Variants in H2AC13 observed in about 807,000 individuals in gnomAD.
The protein encoded by H2AC13 is histone H2A type 1.
A neutral mutation model predicts 5.9 loss-of-function variants in H2AC13; 3 were observed. The observed-to-expected ratio is 0.50, with a 90% CI of 0.23 to 1.30. The LOEUF is 1.30. Ranked by LOEUF, H2AC13 falls within the 50% of genes most tolerant of loss-of-function variation. H2AC13 has a pLI of 0.18. For synonymous variants in H2AC13, 96 were observed against 82.4 expected (o/e 1.17, Z -0.90); for missense variants, 123 against 179.1 (o/e 0.69, Z 1.79).
Position 27,808,655 on chromosome 6 carries a change from T to A in H2AC13, c.*53T>A, listed in dbSNP as rs1760499448. 11 of 1,560,526 alleles carry A rather than the reference T, an allele frequency of 7.0e-6. No homozygotes were observed. The South Asian group carries it at 9.7e-5, about 14-fold the overall frequency. ...ATCCCAAAGGAACCAAAGGCTCTTTTCAGAGCCACCTACAATTTTGTGGAA... is the reference window on the plus strand; with the variant it reads ...ATCCCAAAGGAACCAAAGGCTCTTTACAGAGCCACCTACAATTTTGTGGAA... On this transcript the variant is annotated 3_prime_UTR_variant, in exon 1 of 1. Transcript: ENST00000358739.
Position 27,808,659 on chromosome 6 carries a change from A to C in H2AC13, c.*57A>C. ...CAAAGGAACCAAAGGCTCTTTTCAG[A>C]GCCACCTACAATTTTGTGGAAGAAC... On this transcript the variant is annotated 3_prime_UTR_variant, in exon 1 of 1. Transcript: ENST00000358739. 6.4e-7 allele frequency: 1 copy of C among 1,557,046 alleles called. No individual in the cohort carries two copies. Among genetic ancestry groups the C allele is most frequent in the Non-Finnish European group, 8.7e-7 (1 of 1,154,068 alleles).
At position 27,808,587 on chromosome 6, in the gene H2AC13, G is replaced by C; in HGVS notation, c.378G>C (p.Lys126Asn). 2 of 1,613,724 alleles carry C rather than the reference G, an allele frequency of 1.2e-6. No individual in the cohort carries two copies. Among genetic ancestry groups the C allele is most frequent in the Non-Finnish European group, 1.7e-6 (2 of 1,179,654 alleles). The part of the protein sequence containing the change: ...LLPKKTESHH[K>N]AKGK ...CCAAGAAGACCGAGAGCCACCACAA[G>C]GCGAAGGGCAAGTAGAAGCCTGGAT... The change falls in exon 1 of 1, where the codon AAG becomes AAC. Residue 126 changes from lysine (K) to asparagine (N), a missense_variant. This residue lies in a region of H2AC13 where 18 missense variants were observed against 16.1 expected (regional missense o/e 1.12). Transcript: ENST00000358739.
In H2AC13 at chr6:27,808,539, C is replaced by T. The variant is rs138007780; in HGVS notation, c.330C>T (p.Pro110=). 5.6e-6 allele frequency: 9 copies of T among 1,614,088 alleles called. No homozygotes were observed. In the African/African-American group the frequency reaches 9.3e-5, roughly 17 times the overall value. The change falls in exon 1 of 1, where the codon CCC becomes CCT. Residue 110 remains proline (P), a synonymous_variant. Coordinates refer to ENST00000358739, the MANE Select transcript of H2AC13 (RefSeq NM_003509.3). ...CCATCGCACAGGGTGGCGTCCTGCC[C>T]AACATCCAGGCCGTGCTACTGCCCA... ...KVTIAQGGVL[P]NIQAVLLPKK... is the part of the protein sequence containing the mutation.
rs745985200 is a variant in H2AC13 at position 27,808,552 on chromosome 6, G to A, written c.343G>A (p.Val115Met). ...TGGCGTCCTGCCCAACATCCAGGCC[G>A]TGCTACTGCCCAAGAAGACCGAGAG... ...QGGVLPNIQA[V>M]LLPKKTESHH... The change falls in exon 1 of 1, where the codon GTG (valine) becomes ATG (methionine). Residue 115 changes from valine (V) to methionine (M), a missense_variant. Transcript: ENST00000358739. The A allele has an allele frequency of 2.5e-6, 4 of 1,614,112 alleles. No individual in the cohort carries two copies. In the African/African-American group the frequency reaches 5.3e-5, roughly 22 times the overall value.
rs754322201 is a variant in H2AC13, at chr6:27,808,240, G to A, written c.31G>A (p.Ala11Thr). Residue 11 changes from alanine (A) to threonine (T), a missense_variant, in exon 1 of 1, where the codon GCT becomes ACT. This residue lies in a region of H2AC13 where 33 missense variants were observed against 28.6 expected (regional missense o/e 1.15). Coordinates refer to ENST00000358739, the MANE Select transcript of H2AC13 (RefSeq NM_003509.3). The part of the protein sequence containing the change: MSGRGKQGGK[A>T]RAKAKTRSSR... ...TGGGCGTGGCAAGCAGGGAGGCAAA[G>A]CTCGCGCCAAGGCCAAGACCCGCTC... is the stretch of plus-strand genomic sequence containing the variant. The A allele has an allele frequency of 6.3e-7, 1 of 1,581,026 alleles. No individual in the cohort carries two copies. The highest frequency in any genetic ancestry group is 1.4e-5 in the African/African-American group (1 of 73,986).
Position 27,808,562 on chromosome 6 carries a change from C to T in H2AC13, c.353C>T (p.Pro118Leu). Residue 118 changes from proline to leucine, a missense_variant, in exon 1 of 1, where the codon CCC becomes CTC. Around this residue, in one of 3 missense-constraint regions of H2AC13, gnomAD observed 18 missense variants for 16.1 expected, o/e 1.12. Transcript: ENST00000358739. ...CCCAACATCCAGGCCGTGCTACTGC[C>T]CAAGAAGACCGAGAGCCACCACAAG... ...VLPNIQAVLL[P>L]KKTESHHKAK... 1 of 1,614,206 alleles carries T rather than the reference C, an allele frequency of 6.2e-7. No homozygotes were observed. Among genetic ancestry groups the T allele is most frequent in the Non-Finnish European group, 8.5e-7 (1 of 1,180,014 alleles).
chr6:27,808,278 G>C lies in H2AC13; in HGVS notation c.69G>C (p.Gly23=). ...AKAKTRSSRA[G]LQFPVGRVHR... is the part of the protein sequence containing the mutation. ...CCAAGACCCGCTCTTCTCGGGCCGG[G>C]CTTCAGTTTCCCGTAGGCCGAGTGC... The change falls in exon 1 of 1, where the codon GGG becomes GGC. Residue 23 remains glycine, a synonymous_variant. Transcript: ENST00000358739. The C allele has an allele frequency of 6.4e-7, 1 of 1,557,598 alleles. No homozygotes were observed. The highest frequency in any genetic ancestry group is 8.6e-7 in the Non-Finnish European group (1 of 1,156,202).
rs202083966 is a variant in H2AC13 at position 27,808,186 on chromosome 6, C to G, written c.-24C>G. ...TAGTTTCACTTCAGTCTTTCTTGACCGTATAGATAATAGGCCTTTTGCCAT... is the reference window on the plus strand; with the variant it reads ...TAGTTTCACTTCAGTCTTTCTTGACGGTATAGATAATAGGCCTTTTGCCAT... On this transcript the variant is annotated 5_prime_UTR_variant, in exon 1 of 1. Coordinates refer to ENST00000358739, the MANE Select transcript of H2AC13 (RefSeq NM_003509.3). 1.6e-5 allele frequency: 24 copies of G among 1,543,402 alleles called. No individual in the cohort carries two copies. The East Asian group carries it at 3.4e-4, about 22-fold the overall frequency.
At position 27,808,570 on chromosome 6, in the gene H2AC13, A is replaced by T; in HGVS notation, c.361A>T (p.Thr121Ser). 1.2e-6 allele frequency: 2 copies of T among 1,614,126 alleles called. No homozygotes were observed. The highest frequency in any genetic ancestry group is 1.7e-6 in the Non-Finnish European group (2 of 1,179,936). The change falls in exon 1 of 1, where the codon ACC becomes TCC. Residue 121 changes from threonine (T) to serine (S), a missense_variant. Thr to Ser is a moderately conservative substitution (Grantham distance 58). This residue lies in a region of H2AC13 where 18 missense variants were observed against 16.1 expected (regional missense o/e 1.12). Coordinates refer to ENST00000358739, the MANE Select transcript of H2AC13 (RefSeq NM_003509.3). ...NIQAVLLPKK[T>S]ESHHKAKGK is the part of the protein sequence containing the mutation. ...CCAGGCCGTGCTACTGCCCAAGAAG[A>T]CCGAGAGCCACCACAAGGCGAAGGG...
Position 27,808,415 on chromosome 6 carries a change from A to T in H2AC13, c.206A>T (p.Asn69Ile), listed in dbSNP as rs1197184308. The T allele has an allele frequency of 1.2e-6, 2 of 1,610,106 alleles. No individual in the cohort carries two copies. The highest frequency in any genetic ancestry group is 1.7e-6 in the Non-Finnish European group (2 of 1,177,188). The change falls in exon 1 of 1, where the codon AAC becomes ATC. Residue 69 changes from asparagine to isoleucine, a missense_variant. Around this residue, in one of 3 missense-constraint regions of H2AC13, gnomAD observed 72 missense variants for 134.3 expected, o/e 0.54. Coordinates refer to ENST00000358739, the MANE Select transcript of H2AC13 (RefSeq NM_003509.3). Reference protein sequence around the residue: ...LTAEILELAGNAARDNKKTRI... With the variant: ...LTAEILELAGIAARDNKKTRI... ...GCCGAGATCCTGGAGCTGGCTGGCA[A>T]CGCGGCCCGCGACAACAAGAAGACT...
rs1581456632 is a variant in H2AC13, at chr6:27,808,329, T to C, written c.120T>C (p.Tyr40=). Residue 40 remains tyrosine, a synonymous_variant, in exon 1 of 1, where the codon TAT becomes TAC. Coordinates refer to ENST00000358739, the MANE Select transcript of H2AC13 (RefSeq NM_003509.3). ...ATCGCCTGCTCCGCAAAGGCAACTA[T>C]GCGGAGCGGGTCGGTGCTGGAGCGC... ...RVHRLLRKGN[Y]AERVGAGAPV... 1 of 1,585,168 alleles carries C rather than the reference T, an allele frequency of 6.3e-7. No individual in the cohort carries two copies. The highest frequency in any genetic ancestry group is 1.8e-5 in the Admixed American group (1 of 56,930).
In H2AC13 at chr6:27,808,206, T is replaced by A; in HGVS notation, c.-4T>A. On this transcript the variant is annotated 5_prime_UTR_variant, in exon 1 of 1. Coordinates refer to ENST00000358739, the MANE Select transcript of H2AC13 (RefSeq NM_003509.3). Reference sequence around the variant, plus strand: ...TTGACCGTATAGATAATAGGCCTTTTGCCATGTCTGGGCGTGGCAAGCAGG... The same window carrying A: ...TTGACCGTATAGATAATAGGCCTTTAGCCATGTCTGGGCGTGGCAAGCAGG... 4.5e-6 allele frequency: 7 copies of A among 1,569,516 alleles called. No individual in the cohort carries two copies. Among genetic ancestry groups the A allele is most frequent in the Non-Finnish European group, 6.0e-6 (7 of 1,160,870 alleles).
Position 27,808,521 on chromosome 6 carries a change from A to T in H2AC13, c.312A>T (p.Ala104=). 3.1e-6 allele frequency: 5 copies of T among 1,614,196 alleles called. No homozygotes were observed. The highest frequency in any genetic ancestry group is 4.2e-6 in the Non-Finnish European group (5 of 1,180,012). Residue 104 remains alanine, a synonymous_variant, in exon 1 of 1, where the codon GCA becomes GCT. Transcript: ENST00000358739. The stretch of plus-strand genomic sequence containing the variant: ...AGCTTCTGGGCAAAGTCACCATCGC[A>T]CAGGGTGGCGTCCTGCCCAACATCC... ...LNKLLGKVTI[A]QGGVLPNIQA... is the part of the protein sequence containing the mutation.
rs976267933 is a variant in H2AC13 at position 27,808,648 on chromosome 6, G to T, written c.*46G>T. Reference sequence around the variant, plus strand: ...CAACTCAATCCCAAAGGAACCAAAGGCTCTTTTCAGAGCCACCTACAATTT... The same window carrying T: ...CAACTCAATCCCAAAGGAACCAAAGTCTCTTTTCAGAGCCACCTACAATTT... On this transcript the variant is annotated 3_prime_UTR_variant, in exon 1 of 1. Coordinates refer to ENST00000358739, the MANE Select transcript of H2AC13 (RefSeq NM_003509.3). The T allele has an allele frequency of 6.4e-7, 1 of 1,569,802 alleles. No individual in the cohort carries two copies. The highest frequency in any genetic ancestry group is 1.2e-5 in the South Asian group (1 of 84,440).
Position 27,808,268 on chromosome 6 carries a change from C to T in H2AC13, c.59C>T (p.Ser20Phe), listed in dbSNP as rs143049396. Residue 20 changes from serine to phenylalanine, a missense_variant, in exon 1 of 1, where the codon TCT becomes TTT. Around this residue, in one of 3 missense-constraint regions of H2AC13, gnomAD observed 33 missense variants for 28.6 expected, o/e 1.15. Coordinates refer to ENST00000358739, the MANE Select transcript of H2AC13 (RefSeq NM_003509.3). ...KARAKAKTRS[S>F]RAGLQFPVGR... ...CGCGCCAAGGCCAAGACCCGCTCTT[C>T]TCGGGCCGGGCTTCAGTTTCCCGTA... 1,126 of 1,565,630 alleles carry T rather than the reference C, an allele frequency of 7.2e-4. No homozygotes were observed. Among genetic ancestry groups the T allele is most frequent in the Non-Finnish European group, 8.6e-4 (1,003 of 1,159,644 alleles).
Position 27,808,226 on chromosome 6 carries a change from A to G in H2AC13, c.17A>G (p.Lys6Arg). The change falls in exon 1 of 1, where the codon AAG becomes AGG. Residue 6 changes from lysine to arginine, a missense_variant. Around this residue, in one of 3 missense-constraint regions of H2AC13, gnomAD observed 33 missense variants for 28.6 expected, o/e 1.15. Coordinates refer to ENST00000358739, the MANE Select transcript of H2AC13 (RefSeq NM_003509.3). ...CCTTTTGCCATGTCTGGGCGTGGCA[A>G]GCAGGGAGGCAAAGCTCGCGCCAAG... is the stretch of plus-strand genomic sequence containing the variant. MSGRGKQGGKARAKAK... is the reference protein window; with the variant it reads MSGRGRQGGKARAKAK... 4.4e-6 allele frequency: 7 copies of G among 1,582,912 alleles called. 1 individual carries two copies. Among genetic ancestry groups the G allele is most frequent in the Non-Finnish European group, 2.6e-6 (3 of 1,165,594 alleles).
In H2AC13 at chr6:27,808,646, A is replaced by C; in HGVS notation, c.*44A>C. Reference sequence around the variant, plus strand: ...AGCAACTCAATCCCAAAGGAACCAAAGGCTCTTTTCAGAGCCACCTACAAT... The same window carrying C: ...AGCAACTCAATCCCAAAGGAACCAACGGCTCTTTTCAGAGCCACCTACAAT... On this transcript the variant is annotated 3_prime_UTR_variant, in exon 1 of 1. Coordinates refer to ENST00000358739, the MANE Select transcript of H2AC13 (RefSeq NM_003509.3). 1.9e-6 allele frequency: 3 copies of C among 1,576,878 alleles called. No homozygotes were observed. Among genetic ancestry groups the C allele is most frequent in the Non-Finnish European group, 2.6e-6 (3 of 1,162,396 alleles).
At position 27,808,321 on chromosome 6, in the gene H2AC13, G is replaced by C; in HGVS notation, c.112G>C (p.Gly38Arg). The change falls in exon 1 of 1, where the codon GGC (glycine) becomes CGC (arginine). Residue 38 changes from glycine (G) to arginine (R), a missense_variant. Transcript: ENST00000358739. Reference sequence around the variant, plus strand: ...CCGAGTGCATCGCCTGCTCCGCAAAGGCAACTATGCGGAGCGGGTCGGTGC... The same window carrying C: ...CCGAGTGCATCGCCTGCTCCGCAAACGCAACTATGCGGAGCGGGTCGGTGC... ...VGRVHRLLRK[G>R]NYAERVGAGA... 1 of 1,576,548 alleles carries C rather than the reference G, an allele frequency of 6.3e-7. No homozygotes were observed. Among genetic ancestry groups the C allele is most frequent in the Non-Finnish European group, 8.6e-7 (1 of 1,159,952 alleles).
Position 27,808,504 on chromosome 6 carries a change from G to A in H2AC13, c.295G>A (p.Gly99Ser). The change falls in exon 1 of 1, where the codon GGC becomes AGC. Residue 99 changes from glycine to serine, a missense_variant. Gly to Ser is a moderately conservative substitution (Grantham distance 56). Around this residue, in one of 3 missense-constraint regions of H2AC13, gnomAD observed 72 missense variants for 134.3 expected, o/e 0.54. Coordinates refer to ENST00000358739, the MANE Select transcript of H2AC13 (RefSeq NM_003509.3). Reference sequence around the variant, plus strand: ...CGATGAGGAGCTCAACAAGCTTCTGGGCAAAGTCACCATCGCACAGGGTGG... The same window carrying A: ...CGATGAGGAGCTCAACAAGCTTCTGAGCAAAGTCACCATCGCACAGGGTGG... Reference protein sequence around the residue: ...RNDEELNKLLGKVTIAQGGVL... With the variant: ...RNDEELNKLLSKVTIAQGGVL... The A allele has an allele frequency of 6.2e-7, 1 of 1,614,108 alleles. No homozygotes were observed. The highest frequency in any genetic ancestry group is 8.5e-7 in the Non-Finnish European group (1 of 1,180,012).
Sources: allele counts gnomAD v4.1 joint callset, GRCh38; gene constraint gnomAD v4.1.1; regional missense constraint gnomAD v4.1.1; transcripts MANE v1.5; gene names NCBI Gene and HGNC (gene_info 2026-07-23, HGNC 2026-07-21).